ERBB4: variants seen among roughly 807,000 people sequenced by gnomAD.
ERBB4 encodes the protein erb-b2 receptor tyrosine kinase 4.
Under a neutral mutation model 158.0 loss-of-function variants are expected in ERBB4, and 42 were observed. The ratio of observed to expected loss-of-function variants is 0.27; its 90% CI spans 0.21 to 0.34. The LOEUF (loss-of-function observed/expected upper bound fraction) is 0.34. ERBB4 is among the 10% of genes least tolerant of loss of function. The probability of loss-of-function intolerance (pLI) is 1.00; values close to 1 mark genes in which losing one functional copy is unlikely to be tolerated. For synonymous variants in ERBB4, 583 were observed against 558.7 expected (o/e 1.04, Z -0.61); for missense variants, 1,333 against 1,624.1 (o/e 0.82, Z 3.08).
chr2:211,957,179 T>TG (rs1247702993), intron 2 of ERBB4, among the ~76,000 whole-genome samples: 1 of 152,014 alleles, frequency 6.6e-6, no homozygotes, highest in Non-Finnish European at 1.5e-5. Context: ...TACCTCAGAA[T>TG]GGGACTGTAT....
At chr2:212,023,979 A>G (rs1313861768) in intron 2 of ERBB4, among the ~76,000 whole-genome samples, 1 of 151,854 alleles carries the variant, frequency 6.6e-6, no homozygotes, top group African/African-American at 2.4e-5. Context: ...AATCAAATAA[A>G]GGAGCTCACT....
At chr2:211,553,985 T>C (rs2067171924) in intron 20 of ERBB4, among the ~76,000 whole-genome samples, 1 of 152,246 alleles carries the variant, frequency 6.6e-6, no homozygotes, top group African/African-American at 2.4e-5. Context: ...TAGATGTTAA[T>C]GATAAAACAT....
chr2:212,475,942 C>T lies in ERBB4; in HGVS notation c.82+62507G>A, dbSNP rs1229010301. Among the ~76,000 whole-genome samples, 5 of 152,056 alleles carry T rather than the reference C, an allele frequency of 3.3e-5. No individual in the cohort carries two copies. The East Asian group carries it at 9.6e-4, about 29-fold the overall frequency. ...ATTGTAATGGACTCTCTTGCCTTCC[C>T]CCAGTCCTTTCCCCACAATACAGCA... On this transcript the variant is annotated intron_variant, in intron 1 of 27. Coordinates refer to ENST00000342788, the MANE Select transcript of ERBB4 (RefSeq NM_005235.3).
chr2:211,503,465 C>T (rs547293882), intron 20 of ERBB4, among the ~76,000 whole-genome samples: 1 of 152,106 alleles, frequency 6.6e-6, no homozygotes, highest in Non-Finnish European at 1.5e-5. Context: ...CAATGGGAGA[C>T]CCACAGCATA....
chr2:211,450,095 G>A (rs985356451), intron 20 of ERBB4, among the ~76,000 whole-genome samples: 2 of 152,128 alleles, frequency 1.3e-5, no homozygotes, highest in African/African-American at 4.8e-5. Flanking sequence ...TAATAGAGTT[G>A]GAATTTTAAC....
chr2:211,791,394 G>A (rs894494275), intron 3 of ERBB4, among the ~76,000 whole-genome samples: 1 of 151,702 alleles, frequency 6.6e-6, no homozygotes, highest in African/African-American at 2.4e-5. Context: ...CCAACCAACA[G>A]TTTCCCCCCA....
intron 1 of ERBB4, among the ~76,000 whole-genome samples, chr2:212,418,246 T>C (rs1357333652): frequency 6.6e-6 from 1 of 151,922 alleles, no homozygotes; most frequent in East Asian, 1.9e-4. Context: ...TAATACTAAG[T>C]AAAAATATCA....
At chr2:212,117,576 T>C (rs528360622) in intron 2 of ERBB4, among the ~76,000 whole-genome samples, 1 of 152,316 alleles carries the variant, frequency 6.6e-6, no homozygotes, top group East Asian at 1.9e-4. Flanking sequence ...TTCATTATCT[T>C]ACAAAGTTTA....
At chr2:211,786,653 T>A (rs1479748190) in intron 4 of ERBB4, among the ~76,000 whole-genome samples, 2 of 152,220 alleles carry the variant, frequency 1.3e-5, no homozygotes, top group Non-Finnish European at 2.9e-5. Flanking sequence ...CACTTCCCTT[T>A]TGGCTTCTGT....
intron 1 of ERBB4, among the ~76,000 whole-genome samples, chr2:212,501,177 C>T (rs1201792125): frequency 1.3e-5 from 2 of 152,082 alleles, no homozygotes; most frequent in Non-Finnish European, 2.9e-5. Context: ...TCTAATGACA[C>T]AAAGTACACC....
At chr2:212,259,483 G>C (rs990175856) in intron 1 of ERBB4, among the ~76,000 whole-genome samples, 4 of 152,046 alleles carry the variant, frequency 2.6e-5, no homozygotes, top group South Asian at 2.1e-4. Flanking sequence ...ACATTTATTG[G>C]TAAGAAGAAA....
intron 3 of ERBB4, among the ~76,000 whole-genome samples, chr2:211,815,996 G>A (rs566072671): frequency 6.6e-6 from 1 of 152,174 alleles, no homozygotes; most frequent in South Asian, 2.1e-4. Flanking sequence ...CAGGCTAAGG[G>A]TCTCACTGTC....
rs537223284 is a variant in ERBB4 at position 211,830,761 on chromosome 2, T to C, written c.422-42602A>G. ...TAAAATACAACCCAGGTAGCAGAAA[T>C]GTTTATAACAATGAAGTGAAATGAG... is the stretch of plus-strand genomic sequence containing the variant. On this transcript the variant is annotated intron_variant, in intron 3 of 27. Coordinates refer to ENST00000342788, the MANE Select transcript of ERBB4 (RefSeq NM_005235.3). Among the ~76,000 whole-genome samples, 7 of 152,198 alleles carry C rather than the reference T, an allele frequency of 4.6e-5. No individual in the cohort carries two copies. In the South Asian group the frequency reaches 6.2e-4, roughly 14 times the overall value.
At chr2:212,524,087 T>C (rs1029481410) in intron 1 of ERBB4, among the ~76,000 whole-genome samples, 7 of 151,990 alleles carry the variant, frequency 4.6e-5, no homozygotes, top group African/African-American at 1.7e-4. Flanking sequence ...CTCTTTTCCA[T>C]GCCTGGCATC....
At chr2:211,946,576 C>CTTTTTTTTTTTTTT (rs56007115) in intron 3 of ERBB4, among the ~76,000 whole-genome samples, 2 of 49,588 alleles carry the variant, frequency 4.0e-5, no homozygotes, top group Non-Finnish European at 7.1e-5. Context: ...AATTAGCTCT[C>CTTTTTTTTTTTTTT]TTTTTTTTTT....
At chr2:212,410,137 A>G (rs2091455152) in intron 1 of ERBB4, among the ~76,000 whole-genome samples, 1 of 152,068 alleles carries the variant, frequency 6.6e-6, no homozygotes, top group Non-Finnish European at 1.5e-5. Context: ...TTATACAGCT[A>G]TACAATGTAA....
At chr2:211,737,439 GA>G (rs2074637827) in intron 5 of ERBB4, among the ~76,000 whole-genome samples, 1 of 152,002 alleles carries the variant, frequency 6.6e-6, no homozygotes, top group Non-Finnish European at 1.5e-5. Flanking sequence ...TGTATATACC[GA>G]AATGATTCAT....
At chr2:211,841,168 T>C (rs2077461361) in intron 3 of ERBB4, among the ~76,000 whole-genome samples, 1 of 152,072 alleles carries the variant, frequency 6.6e-6, no homozygotes, top group South Asian at 2.1e-4. Context: ...AAGAATCTTA[T>C]AATTTCAAGG....
At chr2:212,366,524 A>G (rs1037806179) in intron 1 of ERBB4, among the ~76,000 whole-genome samples, 30 of 151,998 alleles carry the variant, frequency 2.0e-4, no homozygotes, top group African/African-American at 6.8e-4. Context: ...ATCTATGGCT[A>G]CCACAAACCA....
Sources: gnomAD v4.1 joint callset for allele counts (sites outside exome capture counted in the v4.1 genomes callset) on GRCh38, gnomAD v4.1.1 for gene constraint, MANE v1.5 for transcripts, NCBI Gene and HGNC (gene_info 2026-07-23, HGNC 2026-07-21) for gene names.